Variants in SVIL observed in about 807,000 individuals in gnomAD.
SVIL encodes the protein supervillin.
In SVIL, 101 loss-of-function variants were observed where a neutral mutation model predicts 240.4. That is an observed-to-expected ratio of 0.42 (90% confidence interval 0.36 to 0.50). SVIL has a LOEUF of 0.50. Among genes scored for constraint, SVIL ranks in the 20% least tolerant of loss-of-function variants. The pLI is 0.01. For synonymous variants in SVIL, 999 were observed against 1,100.0 expected (o/e 0.91, Z 1.82); for missense variants, 2,512 against 2,818.7 (o/e 0.89, Z 2.46).
intron 12 of SVIL, among the ~76,000 whole-genome samples, chr10:29,528,696 C>T (rs969734999): frequency 2.6e-4 from 40 of 152,176 alleles, no homozygotes; most frequent in African/African-American, 8.9e-4. Context: ...CAAGATGGCG[C>T]ACTGCATTCC....
At position 29,484,634 on chromosome 10, in the gene SVIL, C is replaced by A; in HGVS notation, c.4955+22G>T. On this transcript the variant is annotated intron_variant, in intron 27 of 37. Transcript: ENST00000355867. This position sits in a 1 kb window ranked among gnomAD's most constrained non-coding sequence, Gnocchi z 4.7. ...GGAATCAGCTCGCTTGAAGAGCTGT[C>A]CCCGGGCGGCGGCAGGAGTACCTGG... The A allele has an allele frequency of 6.3e-7, 1 of 1,598,614 alleles. No homozygotes were observed.
chr10:29,680,928 A>C (rs1589503844), intron 2 of SVIL, among the ~76,000 whole-genome samples: 1 of 151,996 alleles, frequency 6.6e-6, no homozygotes, highest in East Asian at 1.9e-4. Context: ...CAAAAAAAAA[A>C]ATAGCAAAGA....
intron 3 of SVIL, among the ~76,000 whole-genome samples, chr10:29,559,639 A>T (rs1954269606): frequency 6.6e-6 from 1 of 152,166 alleles, no homozygotes; most frequent in Non-Finnish European, 1.5e-5. Context: ...TTTGCTTTCA[A>T]ATACATTAGG....
At chr10:29,591,643 C>A (rs1212007825) in intron 1 of SVIL, among the ~76,000 whole-genome samples, 2 of 152,212 alleles carry the variant, frequency 1.3e-5, no homozygotes, top group Non-Finnish European at 2.9e-5. Context: ...CTGCACCCTG[C>A]ACCTTTTTAA....
intron 6 of SVIL, among the ~76,000 whole-genome samples, chr10:29,549,878 G>C (rs12570166): frequency 0.2 from 18,159 of 89,818 alleles, 2,088 homozygotes; most frequent in East Asian, 0.26. Flanking sequence ...GTTGTGGGGT[G>C]GGGGGAGGGG....
At chr10:29,499,058 G>A in intron 18 of SVIL, 58 bp downstream of exon 18, 5 of 1,582,634 alleles carry the variant, frequency 3.2e-6, no homozygotes, top group Non-Finnish European at 4.3e-6. Flanking sequence ...CCATGGGTAA[G>A]TGTGCTCACG....
At chr10:29,555,346 G>GCACACACACACA (rs1564633097) in intron 3 of SVIL, among the ~76,000 whole-genome samples, 1 of 94,096 alleles carries the variant, frequency 1.1e-5, no homozygotes, top group Non-Finnish European at 2.1e-5. Flanking sequence ...ACACACACAT[G>GCACACACACACA]GACACACCCT....
intron 1 of SVIL, among the ~76,000 whole-genome samples, chr10:29,608,181 C>T (rs1354875958): frequency 1.3e-5 from 2 of 152,186 alleles, no homozygotes; most frequent in Non-Finnish European, 2.9e-5. Context: ...TCACTCATGG[C>T]CAGGCTGGGC....
chr10:29,656,277 C>G (rs1479005990), intron 3 of SVIL, among the ~76,000 whole-genome samples: 1 of 151,532 alleles, frequency 6.6e-6, no homozygotes, highest in African/African-American at 2.4e-5. Flanking sequence ...AATCTGGAAG[C>G]TTTTTCTATG....
chr10:29,555,053 T>G lies in SVIL; in HGVS notation c.6A>C (p.Lys2Asn), dbSNP rs1489420509. The G allele has an allele frequency of 6.2e-7, 1 of 1,613,126 alleles. No homozygotes were observed. The highest frequency in any genetic ancestry group is 2.2e-5 in the East Asian group (1 of 44,890). Residue 2 changes from lysine to asparagine, a missense_variant and splice_region_variant, in exon 4 of 38, where the codon AAA becomes AAC. Transcript: ENST00000355867. MKRKERIARRLE... is the reference protein window; with the variant it reads MNRKERIARRLE... ...AACTCCCACTATAAAGATCTTACCT[T>G]TTCATTTCTAAGAATTCTTTCTTCT...
At chr10:29,631,370 G>A (rs552948160) in intron 1 of SVIL, among the ~76,000 whole-genome samples, 11 of 152,350 alleles carry the variant, frequency 7.2e-5, no homozygotes, top group East Asian at 5.8e-4. Flanking sequence ...GAGGCCAGGC[G>A]CGGTGGCTCA....
chr10:29,679,303 C>A (rs1960442666), intron 2 of SVIL, among the ~76,000 whole-genome samples: 1 of 152,156 alleles, frequency 6.6e-6, no homozygotes, highest in African/African-American at 2.4e-5. Context: ...ACTAAATTCT[C>A]AAATGTCATG....
chr10:29,534,706 T>C (rs2132574143), intron 7 of SVIL, among the ~76,000 whole-genome samples: 1 of 152,334 alleles, frequency 6.6e-6, no homozygotes, highest in East Asian at 1.9e-4. Flanking sequence ...TTGAGCTGTG[T>C]AGTGTTGGGC....
At chr10:29,644,736 G>A (rs1958600794) in intron 3 of SVIL, among the ~76,000 whole-genome samples, 2 of 152,218 alleles carry the variant, frequency 1.3e-5, no homozygotes, top group Non-Finnish European at 1.5e-5. Flanking sequence ...ATCTTACAAT[G>A]TATCTTTGGC....
At chr10:29,716,701 T>G (rs1364175193) in intron 1 of SVIL, among the ~76,000 whole-genome samples, 1 of 152,206 alleles carries the variant, frequency 6.6e-6, no homozygotes, top group Admixed American at 6.5e-5. Flanking sequence ...TTAATGATTT[T>G]TTACATCTCA....
chr10:29,493,680 G>T (rs1273316575), intron 20 of SVIL, among the ~76,000 whole-genome samples: 3 of 152,050 alleles, frequency 2.0e-5, no homozygotes, highest in Non-Finnish European at 1.5e-5. Context: ...GTTGAGGGTA[G>T]GTGAACCAGC....
chr10:29,690,039 T>C (rs780928692), intron 1 of SVIL, among the ~76,000 whole-genome samples: 2 of 151,908 alleles, frequency 1.3e-5, no homozygotes, highest in Non-Finnish European at 2.9e-5. Context: ...TTTTAGTATT[T>C]AAAAATCTAA....
intron 1 of SVIL, among the ~76,000 whole-genome samples, chr10:29,714,919 GGGT>G (rs1047342310): frequency 2.9e-4 from 42 of 145,868 alleles, no homozygotes; most frequent in African/African-American, 1.1e-3. Flanking sequence ...ACTCCTGCCT[GGGT>G]AACAAAGAAA....
intron 2 of SVIL, among the ~76,000 whole-genome samples, chr10:29,660,789 C>A (rs146841739): frequency 6.6e-6 from 1 of 152,334 alleles, no homozygotes; most frequent in East Asian, 1.9e-4. Flanking sequence ...GCACAGCAAT[C>A]GCCTTGGGGC....
Sources: gnomAD v4.1 joint callset for allele counts (sites outside exome capture counted in the v4.1 genomes callset) on GRCh38, gnomAD v4.1.1 for gene constraint, Gnocchi (gnomAD v3.1) non-coding constraint, MANE v1.5 for transcripts, NCBI Gene and HGNC (gene_info 2026-07-23, HGNC 2026-07-21) for gene names.